TMEM45A: variants seen among roughly 807,000 people sequenced by gnomAD.
TMEM45A encodes DNA polymerase-transactivated protein 4.
In TMEM45A, 25 loss-of-function variants were observed where a neutral mutation model predicts 32.0. The observed-to-expected ratio is 0.78, with a 90% CI of 0.57 to 1.09. The LOEUF is 1.09. Among genes scored for constraint, TMEM45A ranks in the 50% least tolerant of loss-of-function variants. TMEM45A has a pLI of 0.00. For missense variants in TMEM45A, 302 were observed against 325.0 expected, an observed-to-expected ratio of 0.93 and a Z score of 0.54; for synonymous variants, 122 against 114.8, an observed-to-expected ratio of 1.06 and a Z score of -0.40.
At chr3:100,527,844 G>A (rs1458209632) in intron 1 of TMEM45A, among the ~76,000 whole-genome samples, 1 of 152,138 alleles carries the variant, frequency 6.6e-6, no homozygotes, top group African/African-American at 2.4e-5. Context: ...AAAAGCATAG[G>A]ATGTTCAAAT....
chr3:100,539,813 C>A (rs996912233), intron 1 of TMEM45A, among the ~76,000 whole-genome samples: 3 of 152,162 alleles, frequency 2.0e-5, no homozygotes, highest in African/African-American at 7.2e-5. Flanking sequence ...CTGGAAATGC[C>A]CTCTCAGACA....
chr3:100,519,267 A>G (rs1576266408), intron 1 of TMEM45A: 1 of 436,956 alleles, frequency 2.3e-6, no homozygotes. Context: ...TGAGTGGCAC[A>G]TCTTCAGTAC....
In TMEM45A at chr3:100,509,425, G is replaced by A. The variant is rs146457541; in HGVS notation, c.-4+16497G>A. 4.6e-3 allele frequency among the ~76,000 whole-genome samples: 704 copies of A among 152,238 alleles called. 6 individuals carry two copies. Among genetic ancestry groups the A allele is most frequent in the Middle Eastern group, 6.8e-3 (2 of 294 alleles). On this transcript the variant is annotated intron_variant, in intron 1 of 5. Transcript: ENST00000323523. ...AACTACCATAGAGTCCAGCAATTTCGCTACTGGATATTTATCCAAAGGAAA... is the reference window on the plus strand; with the variant it reads ...AACTACCATAGAGTCCAGCAATTTCACTACTGGATATTTATCCAAAGGAAA...
chr3:100,519,662 G>T, intron 1 of TMEM45A: 2 of 1,524,350 alleles, frequency 1.3e-6, no homozygotes, highest in Non-Finnish European at 8.9e-7. Context: ...AAAAGAGCAA[G>T]AACTTTTGAT....
chr3:100,556,675 G>A, intron 2 of TMEM45A, 85 bp from the exon 3 acceptor site: 1 of 1,262,850 alleles, frequency 7.9e-7, no homozygotes, highest in Non-Finnish European at 1.1e-6. Context: ...CATTAGATTG[G>A]AATAAGCAAT....
intron 1 of TMEM45A, among the ~76,000 whole-genome samples, chr3:100,538,367 A>G (rs1314618338): frequency 7.7e-6 from 1 of 130,074 alleles, no homozygotes; most frequent in Non-Finnish European, 1.8e-5. Flanking sequence ...TAAACACAAA[A>G]CAAAACAAAC....
At chr3:100,568,680 C>G (rs1019390255) in intron 4 of TMEM45A, 142 bp from the exon 5 acceptor site, 13 of 705,622 alleles carry the variant, frequency 1.8e-5, no homozygotes, top group Non-Finnish European at 2.9e-5. Context: ...AAACAGGCAG[C>G]AAAACCTGAT....
intron 1 of TMEM45A, among the ~76,000 whole-genome samples, chr3:100,523,691 TTCTC>T (rs1705481969): frequency 4.3e-5 from 3 of 70,200 alleles, no homozygotes; most frequent in Admixed American, 2.1e-4. Context: ...TTTCTCCTCC[TTCTC>T]CTTCTCCTCC....
At chr3:100,525,794 G>A (rs1424712954) in intron 1 of TMEM45A, among the ~76,000 whole-genome samples, 1 of 152,178 alleles carries the variant, frequency 6.6e-6, no homozygotes, top group African/African-American at 2.4e-5. Flanking sequence ...AGAGCTTGTG[G>A]TACGGGGAGA....
intron 1 of TMEM45A, among the ~76,000 whole-genome samples, chr3:100,504,240 A>C (rs1708049593): frequency 6.9e-6 from 1 of 145,038 alleles, no homozygotes; most frequent in Non-Finnish European, 1.5e-5. Flanking sequence ...TTGTAGCCTT[A>C]TATTTTTATA....
At chr3:100,544,792 A>C (rs1405955828) in intron 1 of TMEM45A, among the ~76,000 whole-genome samples, 1 of 152,206 alleles carries the variant, frequency 6.6e-6, no homozygotes, top group Non-Finnish European at 1.5e-5. Flanking sequence ...TAAAGCTACT[A>C]TGAGGATCCA....
chr3:100,509,766 G>A (rs182304999), intron 1 of TMEM45A, among the ~76,000 whole-genome samples: 184 of 152,276 alleles, frequency 1.2e-3, no homozygotes, highest in African/African-American at 3.8e-3. Flanking sequence ...TGCGCGCACC[G>A]TGCATGAGCT....
At chr3:100,511,693 G>A (rs960602106) in intron 1 of TMEM45A, among the ~76,000 whole-genome samples, 1 of 150,502 alleles carries the variant, frequency 6.6e-6, no homozygotes, top group Non-Finnish European at 1.5e-5. Context: ...TGGATAAAGA[G>A]TCAAGACCCA....
chr3:100,552,892 A>G (rs935821676), intron 1 of TMEM45A, among the ~76,000 whole-genome samples: 5 of 152,208 alleles, frequency 3.3e-5, no homozygotes, highest in Non-Finnish European at 7.3e-5. Flanking sequence ...AAGGAGTTCA[A>G]TAACCACAGA....
intron 4 of TMEM45A, 137 bp downstream of exon 4, chr3:100,558,726 T>A: frequency 1.1e-6 from 1 of 932,440 alleles, no homozygotes. Flanking sequence ...TGAGAAGTGA[T>A]GTTTCTTTGA....
chr3:100,527,621 C>G (rs537953726), intron 1 of TMEM45A, among the ~76,000 whole-genome samples: 1 of 152,294 alleles, frequency 6.6e-6, no homozygotes, highest in East Asian at 1.9e-4. Flanking sequence ...AGATCTCTCT[C>G]CATCCTGTCC....
At chr3:100,564,640 G>A (rs768227808) in intron 4 of TMEM45A, among the ~76,000 whole-genome samples, 4 of 151,994 alleles carry the variant, frequency 2.6e-5, no homozygotes, top group African/African-American at 4.8e-5. Flanking sequence ...ATGCCACCAG[G>A]CCTAGCTAAT....
At chr3:100,511,307 G>C (rs1258817019) in intron 1 of TMEM45A, among the ~76,000 whole-genome samples, 4 of 152,120 alleles carry the variant, frequency 2.6e-5, no homozygotes, top group Non-Finnish European at 5.9e-5. Context: ...GAAGAGAGTG[G>C]GGGCCAATAT....
intron 1 of TMEM45A, among the ~76,000 whole-genome samples, chr3:100,517,298 A>G (rs546248968): frequency 6.6e-6 from 1 of 152,218 alleles, no homozygotes; most frequent in Admixed American, 6.5e-5. Context: ...TTGTATTTTT[A>G]GTAGAGACAG....
Sources: gnomAD v4.1 joint callset for allele counts (sites outside exome capture counted in the v4.1 genomes callset) on GRCh38, gnomAD v4.1.1 for gene constraint, MANE v1.5 for transcripts, NCBI Gene and HGNC (gene_info 2026-07-23, HGNC 2026-07-21) for gene names.